Variants in PAG1 observed in about 807,000 individuals in gnomAD.
PAG1 encodes phosphoprotein membrane anchor with glycosphingolipid microdomains 1.
A neutral mutation model predicts 31.7 loss-of-function variants in PAG1; 23 were observed. That is an observed-to-expected ratio of 0.73 (90% CI 0.52 to 1.03). The LOEUF is 1.03. Among genes scored for constraint, PAG1 ranks in the 50% least tolerant of loss-of-function variants. The pLI is 0.00. For missense variants in PAG1, 473 were observed against 540.7 expected (o/e 0.87, Z 1.24); for synonymous variants, 214 against 210.3 (o/e 1.02, Z -0.15).
chr8:81,055,546 G>A (rs1808805965), intron 2 of PAG1, among the ~76,000 whole-genome samples: 1 of 152,012 alleles, frequency 6.6e-6, no homozygotes, highest in Non-Finnish European at 1.5e-5. Flanking sequence ...GTTACCTTGG[G>A]CAGTATGGCC....
At chr8:80,981,882 T>TTTTTTTG (rs1563615071) in intron 7 of PAG1, among the ~76,000 whole-genome samples, 1 of 132,048 alleles carries the variant, frequency 7.6e-6, no homozygotes. Flanking sequence ...TTTTTTTTTT[T>TTTTTTTG]TTTGACAGCG....
intron 3 of PAG1, among the ~76,000 whole-genome samples, chr8:81,018,262 C>A (rs1808104998): frequency 6.6e-6 from 1 of 152,182 alleles, no homozygotes; most frequent in Admixed American, 6.5e-5. Flanking sequence ...TTTAAGTGTA[C>A]AATCTTAAAG....
chr8:80,981,605 C>T (rs1478605011), intron 7 of PAG1, among the ~76,000 whole-genome samples: 1 of 152,050 alleles, frequency 6.6e-6, no homozygotes, highest in Admixed American at 6.5e-5. Context: ...ACTCTTAGCC[C>T]CACCCTCAGC....
chr8:81,031,408 ACT>A (rs1014140829), intron 2 of PAG1, among the ~76,000 whole-genome samples: 2 of 152,030 alleles, frequency 1.3e-5, no homozygotes, highest in African/African-American at 2.4e-5. Context: ...CCATCGTTCC[ACT>A]CTTTTATTAG....
At chr8:81,058,083 A>G (rs1341384620) in intron 2 of PAG1, among the ~76,000 whole-genome samples, 1 of 152,090 alleles carries the variant, frequency 6.6e-6, no homozygotes, top group Non-Finnish European at 1.5e-5. Flanking sequence ...AGGAAGGGAG[A>G]TTTGAGCTGG....
chr8:81,087,606 C>T (rs191437472), intron 1 of PAG1, among the ~76,000 whole-genome samples: 23 of 152,302 alleles, frequency 1.5e-4, no homozygotes, highest in Admixed American at 2.6e-4. Context: ...AAATGAACCA[C>T]AGCTAGATGC....
chr8:81,007,327 A>G (rs945332831), intron 3 of PAG1, among the ~76,000 whole-genome samples: 2 of 152,074 alleles, frequency 1.3e-5, no homozygotes, highest in African/African-American at 4.8e-5. Flanking sequence ...AGAACTTAAA[A>G]AATAGGCCAG....
intron 2 of PAG1, among the ~76,000 whole-genome samples, chr8:81,062,029 T>C (rs1261962528): frequency 6.6e-6 from 1 of 152,212 alleles, no homozygotes; most frequent in Non-Finnish European, 1.5e-5. Flanking sequence ...TACATATTTA[T>C]TATATTAAGA....
intron 2 of PAG1, among the ~76,000 whole-genome samples, chr8:81,039,225 A>C (rs1808512978): frequency 6.6e-6 from 1 of 152,164 alleles, no homozygotes; most frequent in Admixed American, 6.5e-5. Context: ...CATGTCTCTA[A>C]GTCCTAACCT....
At chr8:81,005,103 G>A (rs1461613144) in intron 3 of PAG1, among the ~76,000 whole-genome samples, 2 of 152,220 alleles carry the variant, frequency 1.3e-5, no homozygotes, top group Non-Finnish European at 2.9e-5. Flanking sequence ...AACAGACCAA[G>A]TCACCTGGTG....
At chr8:81,039,503 G>A (rs548816238) in intron 2 of PAG1, 4 of 152,296 alleles carry the variant, frequency 2.6e-5, no homozygotes, top group East Asian at 3.9e-4. Flanking sequence ...GAGGGAACAC[G>A]GCCCTGCCGA....
chr8:81,105,550 A>G (rs1206476070), intron 1 of PAG1, among the ~76,000 whole-genome samples: 1 of 152,086 alleles, frequency 6.6e-6, no homozygotes, highest in Non-Finnish European at 1.5e-5. Context: ...GTGTATAGCT[A>G]TGTTAGGGAC....
At position 80,969,224 on chromosome 8, in the gene PAG1, CA is replaced by C. The variant is rs112518569; in HGVS notation, c.*7319del. ...GGAAAAACAAGACAAGTACTATACT[CA>C]AAAAGTAAAGTTAAAAAAAGCAAGC... On this transcript the variant is annotated 3_prime_UTR_variant, in exon 9 of 9. Coordinates refer to ENST00000220597, the MANE Select transcript of PAG1 (RefSeq NM_018440.4). 6.6e-6 allele frequency: 1 copy of C among 151,950 alleles called. No individual in the cohort carries two copies. The highest frequency in any genetic ancestry group is 1.5e-5 in the Non-Finnish European group (1 of 68,002). 9.4% of individuals were successfully genotyped at this position (151,950 alleles called of 1,614,324 possible).
chr8:81,068,318 A>T (rs916065268), intron 2 of PAG1, among the ~76,000 whole-genome samples: 1 of 152,236 alleles, frequency 6.6e-6, no homozygotes, highest in Admixed American at 6.5e-5. Context: ...TTGAATTTCA[A>T]ATTAAAACAT....
At chr8:80,987,704 A>G (rs1807454812) in intron 5 of PAG1, among the ~76,000 whole-genome samples, 1 of 152,214 alleles carries the variant, frequency 6.6e-6, no homozygotes, top group Non-Finnish European at 1.5e-5. Flanking sequence ...CTATCCATAT[A>G]TGTTATACCT....
intron 1 of PAG1, among the ~76,000 whole-genome samples, chr8:81,086,491 ATG>A (rs933183369): frequency 4.6e-5 from 7 of 151,708 alleles, no homozygotes; most frequent in Non-Finnish European, 7.4e-5. Context: ...AAGGCAAGAA[ATG>A]TGTGTGTGTG....
intron 3 of PAG1, among the ~76,000 whole-genome samples, chr8:81,024,916 T>G (rs1808248951): frequency 6.6e-6 from 1 of 152,204 alleles, no homozygotes; most frequent in Non-Finnish European, 1.5e-5. Flanking sequence ...TCATTTGATG[T>G]GTTGTGTATT....
At chr8:81,103,243 T>C (rs1428407560) in intron 1 of PAG1, among the ~76,000 whole-genome samples, 3 of 151,724 alleles carry the variant, frequency 2.0e-5, no homozygotes, top group Non-Finnish European at 4.4e-5. Flanking sequence ...AATATAGAAA[T>C]TGTAGCTGAT....
intron 2 of PAG1, among the ~76,000 whole-genome samples, chr8:81,050,254 T>C (rs542868046): frequency 6.6e-6 from 1 of 152,326 alleles, no homozygotes; most frequent in South Asian, 2.1e-4. Context: ...CATTTTGCAA[T>C]GAAGCATTTA....
Sources: gnomAD v4.1 joint callset for allele counts (sites outside exome capture counted in the v4.1 genomes callset) on GRCh38, gnomAD v4.1.1 for gene constraint, MANE v1.5 for transcripts, NCBI Gene and HGNC (gene_info 2026-07-23, HGNC 2026-07-21) for gene names.